The following CRTC1 variants were observed in gnomAD, a reference collection of about 807,000 sequenced individuals.
CRTC1 encodes CREB regulated transcription coactivator 1.
Under a neutral mutation model 66.1 loss-of-function variants are expected in CRTC1, and 18 were observed. That is an observed-to-expected ratio of 0.27 (90% CI 0.19 to 0.40). The LOEUF (loss-of-function observed/expected upper bound fraction) is 0.40, where lower values mean the gene tolerates loss of function less well. Ranked by LOEUF, CRTC1 falls within the 10% of genes least tolerant of loss-of-function variation. The pLI is 1.00. For missense variants in CRTC1, 669 were observed against 887.9 expected (o/e 0.75, Z 3.13); for synonymous variants, 416 against 398.8 (o/e 1.04, Z -0.51).
At chr19:18,734,881 G>A (rs1314801678) in intron 1 of CRTC1, among the ~76,000 whole-genome samples, 2 of 152,166 alleles carry the variant, frequency 1.3e-5, no homozygotes, top group Admixed American at 1.3e-4. Context: ...GGGACCCAGT[G>A]CCTGGAGGTG....
chr19:18,703,964 C>G (rs1206605260), intron 1 of CRTC1, among the ~76,000 whole-genome samples: 1 of 152,180 alleles, frequency 6.6e-6, no homozygotes, highest in Non-Finnish European at 1.5e-5. Flanking sequence ...TCAATGTCTC[C>G]TCATCATCCG....
At chr19:18,721,355 G>A (rs1600840123) in intron 1 of CRTC1, among the ~76,000 whole-genome samples, 3 of 151,408 alleles carry the variant, frequency 2.0e-5, no homozygotes, top group South Asian at 2.1e-4. Context: ...CACCATGCCC[G>A]GCTAATTTTT....
intron 1 of CRTC1, among the ~76,000 whole-genome samples, chr19:18,731,055 C>T (rs1053152318): frequency 2.0e-5 from 3 of 152,148 alleles, no homozygotes; most frequent in Admixed American, 6.5e-5. Flanking sequence ...TCTTGGCTCA[C>T]AGCACCCTCC....
chr19:18,762,596 G>A (rs2054639016), intron 8 of CRTC1, among the ~76,000 whole-genome samples: 2 of 152,212 alleles, frequency 1.3e-5, no homozygotes. Flanking sequence ...GCAGGAGGAG[G>A]GCAGGCCCTG....
At chr19:18,691,817 G>A (rs745512191) in intron 1 of CRTC1, among the ~76,000 whole-genome samples, 8 of 151,922 alleles carry the variant, frequency 5.3e-5, no homozygotes, top group Admixed American at 2.0e-4. Context: ...GTGTTCAAGC[G>A]ATCCTCCTGC....
Position 18,760,751 on chromosome 19 carries a change from G to A in CRTC1, c.886+523G>A, listed in dbSNP as rs752051586. ...CTCGCCCGTCCCAATAGCTCCTGGCGCTGCTGCCGCCCTGCTCCCCCGGGA... is the reference window on the plus strand; with the variant it reads ...CTCGCCCGTCCCAATAGCTCCTGGCACTGCTGCCGCCCTGCTCCCCCGGGA... On this transcript the variant is annotated intron_variant, in intron 8 of 13. Coordinates refer to ENST00000321949, the MANE Select transcript of CRTC1 (RefSeq NM_015321.3). This position sits in a 1 kb window ranked among gnomAD's most constrained non-coding sequence, Gnocchi z 6.2. 3.0e-4 allele frequency among the ~76,000 whole-genome samples: 45 copies of A among 151,886 alleles called. No individual in the cohort carries two copies. The highest frequency in any genetic ancestry group is 5.9e-4 in the Non-Finnish European group (40 of 67,980).
chr19:18,747,564 C>T lies in CRTC1; in HGVS notation c.443+450C>T, dbSNP rs560607931. On this transcript the variant is annotated intron_variant, in intron 4 of 13. Transcript: ENST00000321949. ...AGGCGGGATAATTGAACCCGGGAGG[C>T]GGAGGTTGCGGTGAGCCAAGATCGA... is the stretch of plus-strand genomic sequence containing the variant. 8.1e-4 allele frequency among the ~76,000 whole-genome samples: 123 copies of T among 152,048 alleles called. 1 individual carries two copies. Among genetic ancestry groups the T allele is most frequent in the Middle Eastern group, 3.4e-3 (1 of 294 alleles).
intron 6 of CRTC1, among the ~76,000 whole-genome samples, chr19:18,758,242 C>A (rs2054535393): frequency 6.6e-6 from 1 of 150,852 alleles, no homozygotes; most frequent in Non-Finnish European, 1.5e-5. Flanking sequence ...CACCTGTAGT[C>A]CCAGCTACGC....
chr19:18,744,220 G>A (rs2054178071), intron 2 of CRTC1: 11 of 1,515,446 alleles, frequency 7.3e-6, no homozygotes, highest in Non-Finnish European at 9.9e-6. Context: ...CCCGACCCGT[G>A]TGCGGGCGCT....
chr19:18,775,287 G>A (rs928238431), intron 12 of CRTC1, among the ~76,000 whole-genome samples: 2 of 152,250 alleles, frequency 1.3e-5, no homozygotes, highest in Admixed American at 6.5e-5. Flanking sequence ...GGATGGGACC[G>A]TGGCTGTGGA....
chr19:18,713,054 C>G (rs560805600), intron 1 of CRTC1, among the ~76,000 whole-genome samples: 2 of 151,892 alleles, frequency 1.3e-5, no homozygotes, highest in South Asian at 4.2e-4. Flanking sequence ...CTTCCTGTCT[C>G]TATGGATTTG....
At chr19:18,690,087 T>TGGGGGG (rs2052794218) in intron 1 of CRTC1, among the ~76,000 whole-genome samples, 1 of 32,644 alleles carries the variant, frequency 3.1e-5, no homozygotes, top group Non-Finnish European at 6.2e-5. Flanking sequence ...ATGTTGGGGG[T>TGGGGGG]GAGGGGAAGG....
chr19:18,690,459 C>G (rs1018533301), intron 1 of CRTC1, among the ~76,000 whole-genome samples: 1 of 152,146 alleles, frequency 6.6e-6, no homozygotes, highest in Admixed American at 6.6e-5. Context: ...GCTCCCTGAA[C>G]AAAAGGTGGG....
At position 18,704,934 on chromosome 19, in the gene CRTC1, A is replaced by G. The variant is rs978979212; in HGVS notation, c.126+21106A>G. The stretch of plus-strand genomic sequence containing the variant: ...CCCAATCCCCAACCCCCACCCTCCT[A>G]CTACCCTCCATTCCCTCCCAGCCCC... On this transcript the variant is annotated intron_variant, in intron 1 of 13. Coordinates refer to ENST00000321949, the MANE Select transcript of CRTC1 (RefSeq NM_015321.3). 2.2e-3 allele frequency among the ~76,000 whole-genome samples: 81 copies of G among 36,608 alleles called. 1 individual carries two copies. The highest frequency in any genetic ancestry group is 8.8e-3 in the African/African-American group (80 of 9,064). 24.0% of individuals were successfully genotyped at this position (36,608 alleles called of 152,430 possible). A position where few individuals can be genotyped will look rare whatever the true frequency, so the allele number is the denominator to read the frequency against.
At chr19:18,744,683 G>A (rs2054191333) in intron 2 of CRTC1, among the ~76,000 whole-genome samples, 2 of 152,162 alleles carry the variant, frequency 1.3e-5, no homozygotes, top group South Asian at 4.1e-4. Flanking sequence ...CTACCCTGAG[G>A]AGCCTGTGCA....
chr19:18,759,202 CTA>C (rs2054558977), intron 6 of CRTC1, among the ~76,000 whole-genome samples: 1 of 152,140 alleles, frequency 6.6e-6, no homozygotes, highest in South Asian at 2.1e-4. Context: ...GATCCTGTCT[CTA>C]TGAAATAGAA....
chr19:18,705,330 A>AT (rs71168763), intron 1 of CRTC1, among the ~76,000 whole-genome samples: 19,525 of 151,682 alleles, frequency 0.13, 1,375 homozygotes, highest in Non-Finnish European at 0.15. Flanking sequence ...TGTATGTTTA[A>AT]TTTTTTTTGA....
chr19:18,729,072 C>T lies in CRTC1; in HGVS notation c.127-13838C>T, dbSNP rs550970994. ...AGGTGATCCACCTCCCTTGGCCTCC[C>T]AAAGTGCTGGGATTACAGGCGTGAG... On this transcript the variant is annotated intron_variant, in intron 1 of 13. Coordinates refer to ENST00000321949, the MANE Select transcript of CRTC1 (RefSeq NM_015321.3). Among the ~76,000 whole-genome samples, 180 of 149,664 alleles carry T rather than the reference C, an allele frequency of 1.2e-3. 1 individual carries two copies. Among genetic ancestry groups the T allele is most frequent in the South Asian group, 0.011 (53 of 4,744 alleles).
Position 18,766,348 on chromosome 19 carries a change from A to G in CRTC1, c.1011+820A>G, listed in dbSNP as rs1376747564. 2.8e-5 allele frequency among the ~76,000 whole-genome samples: 4 copies of G among 140,812 alleles called. No individual in the cohort carries two copies. The East Asian group carries it at 8.6e-4, about 30-fold the overall frequency. 92.4% of individuals were successfully genotyped at this position (140,812 alleles called of 152,430 possible). A position where few individuals can be genotyped will look rare whatever the true frequency, so the allele number is the denominator to read the frequency against. ...GAGATGGGGTTTCACCATGCTGGCC[A>G]GGCTGGTCTCGAACTCCTGACTTCA... On this transcript the variant is annotated intron_variant, in intron 9 of 13. Coordinates refer to ENST00000321949, the MANE Select transcript of CRTC1 (RefSeq NM_015321.3).
Sources: allele counts gnomAD v4.1 joint callset (sites outside exome capture counted in the v4.1 genomes callset), GRCh38; gene constraint gnomAD v4.1.1; non-coding constraint Gnocchi (gnomAD v3.1); transcripts MANE v1.5; gene names NCBI Gene and HGNC (gene_info 2026-07-23, HGNC 2026-07-21).